Variants in ATP2B2 observed in about 807,000 individuals in gnomAD.
ATP2B2 encodes the protein plasma membrane calcium-transporting ATPase 2.
A neutral mutation model predicts 120.0 loss-of-function variants in ATP2B2; 15 were observed. That is an observed-to-expected ratio of 0.12 (90% CI 0.08 to 0.19). The LOEUF (loss-of-function observed/expected upper bound fraction) is 0.19. Among genes scored for constraint, ATP2B2 ranks in the 10% least tolerant of loss-of-function variants. ATP2B2 has a pLI of 1.00. For synonymous variants in ATP2B2, 694 were observed against 700.3 expected, an observed-to-expected ratio of 0.99 and a Z score of 0.14; for missense variants, 1,045 against 1,719.8, an observed-to-expected ratio of 0.61 and a Z score of 6.94.
intron 1 of ATP2B2, among the ~76,000 whole-genome samples, chr3:10,691,040 C>T (rs888877334): frequency 1.3e-5 from 2 of 152,366 alleles, no homozygotes; most frequent in Non-Finnish European, 1.5e-5. Context: ...CAAAAGCCTA[C>T]TCAGGGTGTC....
chr3:10,388,871 C>A (rs1168444778), intron 5 of ATP2B2, among the ~76,000 whole-genome samples: 1 of 152,188 alleles, frequency 6.6e-6, no homozygotes, highest in Non-Finnish European at 1.5e-5. Context: ...GGTTATGCAA[C>A]TGCTTGCTAG....
chr3:10,333,381 G>T (rs1279924114), intron 22 of ATP2B2, among the ~76,000 whole-genome samples: 1 of 152,082 alleles, frequency 6.6e-6, no homozygotes, highest in East Asian at 1.9e-4. Context: ...CATCAAATTG[G>T]GGCCCTTCTG....
intron 5 of ATP2B2, among the ~76,000 whole-genome samples, chr3:10,390,128 G>C (rs950534716): frequency 9.3e-4 from 142 of 152,162 alleles, no homozygotes; most frequent in Non-Finnish European, 1.2e-3. Flanking sequence ...GTGTCACAGA[G>C]GCCTTGACAG....
At chr3:10,652,329 T>A (rs1186416044) in intron 1 of ATP2B2, among the ~76,000 whole-genome samples, 1 of 152,098 alleles carries the variant, frequency 6.6e-6, no homozygotes, top group African/African-American at 2.4e-5. Flanking sequence ...CCTAGCTACA[T>A]CAGAGAAAAT....
intron 2 of ATP2B2, among the ~76,000 whole-genome samples, chr3:10,431,097 G>A (rs1319586579): frequency 6.6e-6 from 1 of 152,080 alleles, no homozygotes; most frequent in East Asian, 1.9e-4. Context: ...TGGATGAGGA[G>A]TTGCTTCTTA....
At chr3:10,465,817 G>A (rs550870210) in intron 1 of ATP2B2, among the ~76,000 whole-genome samples, 1 of 152,308 alleles carries the variant, frequency 6.6e-6, no homozygotes, top group East Asian at 1.9e-4. Flanking sequence ...TAGGTTGGGG[G>A]GCGTGTGCAG....
intron 5 of ATP2B2, among the ~76,000 whole-genome samples, chr3:10,391,633 A>C (rs13097882): frequency 0.55 from 83,178 of 152,092 alleles, 24,658 homozygotes; most frequent in East Asian, 0.98. Flanking sequence ...CCCCGCCCAG[A>C]CCTGGAGATG....
chr3:10,572,791 T>C (rs2068157223), intron 2 of ATP2B2, among the ~76,000 whole-genome samples: 1 of 152,200 alleles, frequency 6.6e-6, no homozygotes, highest in African/African-American at 2.4e-5. Context: ...GAAGACTTCT[T>C]GGCAGTGTCT....
chr3:10,601,290 G>C (rs897586954), intron 2 of ATP2B2, among the ~76,000 whole-genome samples: 2 of 152,148 alleles, frequency 1.3e-5, no homozygotes, highest in African/African-American at 4.8e-5. Flanking sequence ...AGTCCAGTTC[G>C]GTCATACCCT....
intron 14 of ATP2B2, among the ~76,000 whole-genome samples, chr3:10,356,964 TGAGAGAGAGAGA>T (rs4040764): frequency 6.9e-6 from 1 of 144,344 alleles, no homozygotes; most frequent in African/African-American, 2.5e-5. Flanking sequence ...TGTGTGTGTA[TGAGAGAGAGAGA>T]GAGAGAGAGA....
chr3:10,335,730 T>C (rs527305307), intron 22 of ATP2B2, among the ~76,000 whole-genome samples: 51 of 152,300 alleles, frequency 3.3e-4, no homozygotes, highest in South Asian at 6.2e-4. Flanking sequence ...GCCTTGGTGG[T>C]CCAGGCTTTT....
At chr3:10,551,903 C>A (rs1439578984) in intron 2 of ATP2B2, among the ~76,000 whole-genome samples, 1 of 152,170 alleles carries the variant, frequency 6.6e-6, no homozygotes, top group Non-Finnish European at 1.5e-5. Context: ...TGGGCCAGCT[C>A]CCTAGGGCCC....
Position 10,340,793 on chromosome 3 carries a change from A to T in ATP2B2, c.2918-89T>A. 7.6e-7 allele frequency: 1 copy of T among 1,316,614 alleles called. No homozygotes were observed. The highest frequency in any genetic ancestry group is 1.8e-5 in the Admixed American group (1 of 54,448). 81.6% of individuals were successfully genotyped at this position (1,316,614 alleles called of 1,614,324 possible). ...TGGCCTTTCGTGGGGGCCTCTTCTG[A>T]GCAGTGACGTGAATCCCCAAGACAT... On this transcript the variant is annotated intron_variant, in intron 19 of 22. Coordinates refer to ENST00000360273, the MANE Select transcript of ATP2B2 (RefSeq NM_001001331.4). The surrounding 1 kb of genome is among the most constrained non-coding windows in gnomAD (Gnocchi z 5.0).
Position 10,666,309 on chromosome 3 carries a change from G to A in ATP2B2, c.-460+41606C>T, listed in dbSNP as rs186168829. Reference sequence around the variant, plus strand: ...GGCACGGGCAGCAACTGTTTCCTTCGGGGGTAAAAGCATAACCACCCCTGG... The same window carrying A: ...GGCACGGGCAGCAACTGTTTCCTTCAGGGGTAAAAGCATAACCACCCCTGG... On this transcript the variant is annotated intron_variant, in intron 1 of 21. Coordinates refer to the ATP2B2 transcript ENST00000646379. Among the ~76,000 whole-genome samples the A allele has an allele frequency of 1.3e-3, 191 of 152,264 alleles. 2 individuals carry two copies. The highest frequency in any genetic ancestry group is 4.1e-3 in the African/African-American group (170 of 41,540).
intron 16 of ATP2B2, among the ~76,000 whole-genome samples, chr3:10,349,809 T>C (rs17032715): frequency 0.019 from 2,838 of 152,200 alleles, 87 homozygotes; most frequent in African/African-American, 0.058. Flanking sequence ...ACCGGCCACA[T>C]AGAACACGTC....
At chr3:10,387,704 A>C (rs2061721086) in intron 6 of ATP2B2, among the ~76,000 whole-genome samples, 1 of 152,178 alleles carries the variant, frequency 6.6e-6, no homozygotes, top group Non-Finnish European at 1.5e-5. Context: ...CCAGTGAATA[A>C]GGAATCTTAT....
At chr3:10,410,170 G>T (rs1185911232) in intron 3 of ATP2B2, among the ~76,000 whole-genome samples, 1 of 152,038 alleles carries the variant, frequency 6.6e-6, no homozygotes, top group Non-Finnish European at 1.5e-5. Flanking sequence ...ATTTCCATAG[G>T]TTTTTGGGGA....
intron 2 of ATP2B2, among the ~76,000 whole-genome samples, chr3:10,618,510 C>T (rs1451148506): frequency 6.6e-6 from 1 of 152,220 alleles, no homozygotes; most frequent in African/African-American, 2.4e-5. Flanking sequence ...ATCAAGTCCA[C>T]ATTATTTTCA....
At chr3:10,639,091 G>A (rs182516802) in intron 1 of ATP2B2, among the ~76,000 whole-genome samples, 12 of 152,208 alleles carry the variant, frequency 7.9e-5, no homozygotes, top group African/African-American at 2.9e-4. Context: ...AGGCAAAGTT[G>A]GGCAAATATT....
Sources: allele counts gnomAD v4.1 joint callset (sites outside exome capture counted in the v4.1 genomes callset), GRCh38; gene constraint gnomAD v4.1.1; non-coding constraint Gnocchi (gnomAD v3.1); transcripts MANE v1.5; gene names NCBI Gene and HGNC (gene_info 2026-07-23, HGNC 2026-07-21).